Variants in USP48 observed in about 807,000 individuals in gnomAD.
The protein encoded by USP48 is ubiquitin carboxyl-terminal hydrolase 48.
A neutral mutation model predicts 150.7 loss-of-function variants in USP48; 43 were observed. The ratio of observed to expected loss-of-function variants is 0.29; its 90% CI spans 0.22 to 0.37. USP48 has a LOEUF of 0.37. Ranked by LOEUF, USP48 falls within the 10% of genes least tolerant of loss-of-function variation. The pLI, the probability that USP48 is intolerant of heterozygous loss-of-function variation, is 1.00. For synonymous variants in USP48, 396 were observed against 425.9 expected, an observed-to-expected ratio of 0.93 and a Z score of 0.86; for missense variants, 813 against 1,249.6, an observed-to-expected ratio of 0.65 and a Z score of 5.27.
chr1:21,768,314 TC>T, intron 1 of USP48: 1 of 168,098 alleles, frequency 5.9e-6, no homozygotes. Context: ...GTGCATCAAG[TC>T]CCTGATTGCT....
intron 24 of USP48, among the ~76,000 whole-genome samples, 199 bp downstream of exon 24, chr1:21,689,775 T>C (rs189768143): frequency 8.5e-5 from 13 of 152,184 alleles, no homozygotes; most frequent in South Asian, 8.3e-4. Flanking sequence ...AAGAACAAGA[T>C]AGATGATGTC....
At chr1:21,724,122 C>G in intron 11 of USP48, 27 bp from the exon 12 acceptor site, 1 of 1,608,182 alleles carries the variant, frequency 6.2e-7, no homozygotes, top group Non-Finnish European at 8.5e-7. Context: ...CGGAAAGAGC[C>G]TATGTATTTT....
At chr1:21,701,641 C>G (rs1345657791) in intron 21 of USP48, 39 bp from the exon 22 acceptor site, 1 of 1,583,054 alleles carries the variant, frequency 6.3e-7, no homozygotes, top group Non-Finnish European at 8.7e-7. Context: ...TAGGTCAGAC[C>G]CTAGGAAGGC....
chr1:21,779,818 C>T (rs533595699), intron 1 of USP48, among the ~76,000 whole-genome samples: 18 of 152,180 alleles, frequency 1.2e-4, no homozygotes, highest in Admixed American at 3.9e-4. Flanking sequence ...CATGAAAAGA[C>T]GCTGAACTCA....
intron 1 of USP48, among the ~76,000 whole-genome samples, chr1:21,762,940 A>G (rs2097853525): frequency 6.6e-6 from 1 of 151,932 alleles, no homozygotes; most frequent in African/African-American, 2.4e-5. Context: ...AAACACAGAC[A>G]TCATTCTCAG....
At chr1:21,753,708 T>G (rs928513718) in intron 3 of USP48, among the ~76,000 whole-genome samples, 3 of 149,136 alleles carry the variant, frequency 2.0e-5, no homozygotes, top group Non-Finnish European at 4.4e-5. Flanking sequence ...GCACCTGTAA[T>G]CCCTGCTACT....
chr1:21,701,078 A>C (rs1274238471), intron 22 of USP48, among the ~76,000 whole-genome samples: 1 of 150,972 alleles, frequency 6.6e-6, no homozygotes, highest in African/African-American at 2.4e-5. Context: ...AAAAAAAAAA[A>C]AAAAAAGGCC....
chr1:21,715,654 T>C (rs1042555698), intron 14 of USP48, among the ~76,000 whole-genome samples, 197 bp from the exon 15 acceptor site: 1 of 152,244 alleles, frequency 6.6e-6, no homozygotes, highest in Admixed American at 6.5e-5. Flanking sequence ...AACATCTCAA[T>C]GACAGTTAAC....
At chr1:21,695,365 T>C (rs759738792) in intron 22 of USP48, 144 bp from the exon 23 acceptor site, 20 of 865,292 alleles carry the variant, frequency 2.3e-5, no homozygotes, top group Non-Finnish European at 3.2e-5. Context: ...GAGTAGAAAC[T>C]AACGAGACTT....
chr1:21,772,261 T>C (rs570504754), intron 1 of USP48, among the ~76,000 whole-genome samples: 1 of 151,970 alleles, frequency 6.6e-6, no homozygotes, highest in South Asian at 2.1e-4. Context: ...AAAACTAACG[T>C]ACCAAAAGGA....
intron 7 of USP48, 123 bp from the exon 8 acceptor site, chr1:21,747,272 A>G (rs928488000): frequency 5.0e-5 from 29 of 585,514 alleles, no homozygotes; most frequent in Non-Finnish European, 7.1e-5. Flanking sequence ...CTTCCTCCAA[A>G]ACATGTACAA....
chr1:21,697,962 C>A (rs1457668810), intron 22 of USP48, among the ~76,000 whole-genome samples: 3 of 152,016 alleles, frequency 2.0e-5, no homozygotes, highest in Non-Finnish European at 4.4e-5. Context: ...CTAAGTGATA[C>A]CCAATACCGA....
At chr1:21,766,823 G>A (rs2097863358) in intron 1 of USP48, among the ~76,000 whole-genome samples, 2 of 151,986 alleles carry the variant, frequency 1.3e-5, no homozygotes, top group Admixed American at 1.3e-4. Context: ...CCAGCACTTT[G>A]GGAAGCTGAG....
intron 15 of USP48, among the ~76,000 whole-genome samples, chr1:21,713,419 C>T (rs2097695774): frequency 1.3e-5 from 2 of 152,186 alleles, no homozygotes; most frequent in African/African-American, 4.8e-5. Flanking sequence ...CTCTTATGTA[C>T]AATTTCTGAT....
chr1:21,701,141 C>T (rs1013579926), intron 22 of USP48, among the ~76,000 whole-genome samples: 6 of 146,506 alleles, frequency 4.1e-5, no homozygotes, highest in Non-Finnish European at 7.4e-5. Context: ...CTGCGGTGGG[C>T]GGATCACGAG....
chr1:21,732,052 C>T (rs1044301831), intron 9 of USP48, among the ~76,000 whole-genome samples: 2 of 152,028 alleles, frequency 1.3e-5, no homozygotes, highest in Non-Finnish European at 2.9e-5. Context: ...ATTATAGCGG[C>T]GGATCATTTG....
At position 21,682,597 on chromosome 1, in the gene USP48, C is replaced by T. The variant is rs917503775; in HGVS notation, c.3059-1763G>A. ...ATGAGGTACTAAAAAGATTTGTGGG[C>T]CAGGCGTAGTGGCTCACGCCTGTAA... On this transcript the variant is annotated intron_variant, in intron 25 of 26. Coordinates refer to ENST00000308271, the MANE Select transcript of USP48 (RefSeq NM_032236.8). 3.4e-4 allele frequency among the ~76,000 whole-genome samples: 51 copies of T among 152,112 alleles called. 1 individual carries two copies. Among genetic ancestry groups the T allele is most frequent in the African/African-American group, 1.1e-3 (46 of 41,432 alleles).
intron 3 of USP48, 128 bp downstream of exon 3, chr1:21,756,418 T>G: frequency 8.8e-7 from 1 of 1,131,004 alleles, no homozygotes; most frequent in Non-Finnish European, 1.2e-6. Flanking sequence ...GAGGCAGACG[T>G]TGCAGTGAAC....
intron 8 of USP48, among the ~76,000 whole-genome samples, chr1:21,744,108 G>T (rs1252923057): frequency 6.6e-6 from 1 of 152,126 alleles, no homozygotes; most frequent in Non-Finnish European, 1.5e-5. Context: ...CATTCTTGCA[G>T]ATAACCTGGA....
Sources: gnomAD v4.1 joint callset for allele counts (sites outside exome capture counted in the v4.1 genomes callset) on GRCh38, gnomAD v4.1.1 for gene constraint, MANE v1.5 for transcripts, NCBI Gene and HGNC (gene_info 2026-07-23, HGNC 2026-07-21) for gene names.